RFX2: variants seen among roughly 807,000 people sequenced by gnomAD.
The protein encoded by RFX2 is DNA-binding protein RFX2.
A neutral mutation model predicts 87.8 loss-of-function variants in RFX2; 20 were observed. The observed-to-expected ratio is 0.23, with a 90% CI of 0.16 to 0.33. The LOEUF is 0.33. Among genes scored for constraint, RFX2 ranks in the 10% least tolerant of loss-of-function variants. RFX2 has a pLI of 1.00. For synonymous variants in RFX2, 397 were observed against 431.3 expected (o/e 0.92, Z 0.98); for missense variants, 767 against 1,012.3 (o/e 0.76, Z 3.29).
At chr19:6,071,171 T>TA (rs1283840501) in intron 1 of RFX2, among the ~76,000 whole-genome samples, 1 of 152,248 alleles carries the variant, frequency 6.6e-6, no homozygotes, top group Non-Finnish European at 1.5e-5. Context: ...AAGAAAGTGT[T>TA]AGAGTCACAT....
rs1213951876 is a variant in RFX2 at position 6,050,138 on chromosome 19, T to C, written c.-8-2634A>G. Reference sequence around the variant, plus strand: ...AGGGGTCTTGGGGAAAAACCAGCAGTGCAAAGATAAAAAAATTAAGTGAAG... The same window carrying C: ...AGGGGTCTTGGGGAAAAACCAGCAGCGCAAAGATAAAAAAATTAAGTGAAG... On this transcript the variant is annotated intron_variant, in intron 1 of 17. Coordinates refer to ENST00000303657, the MANE Select transcript of RFX2 (RefSeq NM_000635.4). The surrounding 1 kb of genome is among the most constrained non-coding windows in gnomAD (Gnocchi z 4.6). 2.0e-5 allele frequency among the ~76,000 whole-genome samples: 3 copies of C among 152,082 alleles called. No individual in the cohort carries two copies. The highest frequency in any genetic ancestry group is 4.4e-5 in the Non-Finnish European group (3 of 67,990).
chr19:6,071,528 T>C (rs2087606203), intron 1 of RFX2, among the ~76,000 whole-genome samples: 1 of 152,186 alleles, frequency 6.6e-6, no homozygotes, highest in Admixed American at 6.5e-5. Flanking sequence ...ATTAGAAATA[T>C]TTATTCCATC....
In RFX2 at chr19:6,040,026, C is replaced by T; in HGVS notation, c.476G>A (p.Ser159Asn). ...GAYLIHGGMD[S>N]TRHSLAHTSR... ...GGTGTGGGCCAGGGAGTGTCTGGTG[C>T]TGTCCATCCCCCCGTGGATGAGATA... Residue 159 changes from serine (S) to asparagine (N), a missense_variant, in exon 5 of 18, where the codon AGC becomes AAC. Ser to Asn is a conservative substitution (Grantham distance 46). Around this residue, in one of 2 missense-constraint regions of RFX2, gnomAD observed 621 missense variants for 873.0 expected, o/e 0.71. Transcript: ENST00000303657. The surrounding 1 kb of genome is among the most constrained non-coding windows in gnomAD (Gnocchi z 6.1). 1 of 1,606,940 alleles carries T rather than the reference C, an allele frequency of 6.2e-7. No individual in the cohort carries two copies.
Position 6,007,744 on chromosome 19 carries a change from G to A in RFX2, c.1193C>T (p.Ser398Phe). The change falls in exon 11 of 18, where the codon TCC becomes TTC. Residue 398 changes from serine (S) to phenylalanine (F), a missense_variant. Ser to Phe is a radical substitution (Grantham distance 155). This residue lies in a region of RFX2 where 621 missense variants were observed against 873.0 expected (regional missense o/e 0.71). Transcript: ENST00000303657. The surrounding 1 kb of genome is among the most constrained non-coding windows in gnomAD (Gnocchi z 8.2). ...GGAGGAGGCCTTAGAGTTCCAGAAG[G>A]AGAGCCACAGCTTCTCGATGTAGTG... ...QFHYIEKLWL[S>F]FWNSKASSSD... The A allele has an allele frequency of 6.4e-7, 1 of 1,556,638 alleles. No individual in the cohort carries two copies. Among genetic ancestry groups the A allele is most frequent in the Non-Finnish European group, 8.7e-7 (1 of 1,149,126 alleles).
chr19:6,088,211 C>CTTTTTTTTT (rs1030226963), intron 1 of RFX2, among the ~76,000 whole-genome samples: 1 of 84,390 alleles, frequency 1.2e-5, no homozygotes, highest in African/African-American at 4.8e-5. Flanking sequence ...GGCACTACAG[C>CTTTTTTTTT]TTTTTTTTTT....
intron 1 of RFX2, among the ~76,000 whole-genome samples, chr19:6,093,237 A>C (rs1239589178): frequency 6.6e-6 from 1 of 152,194 alleles, no homozygotes; most frequent in Non-Finnish European, 1.5e-5. Context: ...CAAAATGCCT[A>C]TAAATAAATA....
At chr19:6,046,631 T>G (rs1264331641) in intron 2 of RFX2, among the ~76,000 whole-genome samples, 7 of 136,436 alleles carry the variant, frequency 5.1e-5, no homozygotes, top group African/African-American at 1.8e-4. Flanking sequence ...TTTTTTTTTT[T>G]GTCACTTAGG....
chr19:6,060,846 C>T (rs1032263168), intron 1 of RFX2, among the ~76,000 whole-genome samples: 1 of 152,092 alleles, frequency 6.6e-6, no homozygotes, highest in Non-Finnish European at 1.5e-5. Flanking sequence ...GTGCCCCTCC[C>T]CTGTCACACT....
At chr19:6,031,423 C>CTTTTTTTTTTTTT (rs58834364) in intron 5 of RFX2, among the ~76,000 whole-genome samples, 3 of 90,186 alleles carry the variant, frequency 3.3e-5, no homozygotes, top group Admixed American at 1.8e-4. Context: ...TTCTCCTTCC[C>CTTTTTTTTTTTTT]TTTTTTTTTT....
At chr19:6,098,560 G>C (rs927995887) in intron 1 of RFX2, among the ~76,000 whole-genome samples, 5 of 152,104 alleles carry the variant, frequency 3.3e-5, no homozygotes, top group Non-Finnish European at 7.4e-5. Context: ...TTAACACTCA[G>C]CTCTCAAGTT....
chr19:6,025,159 G>A (rs184704395), intron 6 of RFX2, among the ~76,000 whole-genome samples: 138 of 152,292 alleles, frequency 9.1e-4, no homozygotes, highest in Non-Finnish European at 1.5e-3. Context: ...AATCAAGAGC[G>A]TTTGGGGAGA....
At chr19:6,032,694 A>C (rs2086967669) in intron 5 of RFX2, among the ~76,000 whole-genome samples, 1 of 152,190 alleles carries the variant, frequency 6.6e-6, no homozygotes, top group Non-Finnish European at 1.5e-5. Context: ...TCACATTCAC[A>C]CTTGCTTTAA....
rs1167109578 is a variant in RFX2 at position 6,022,981 on chromosome 19, T to A, written c.597+3182A>T. 6.6e-6 allele frequency: 1 copy of A among 152,258 alleles called. No homozygotes were observed. The highest frequency in any genetic ancestry group is 1.5e-5 in the Non-Finnish European group (1 of 68,082). The allele number at this position is 152,258 out of a possible 1,614,324, so 9.4% of individuals were successfully genotyped here. A position where few individuals can be genotyped will look rare whatever the true frequency, so the allele number is the denominator to read the frequency against. ...ACACGTGGCCAGCTCCGCTCAGAGA[T>A]GTCTGTGAGGGGTTCCCTAGGTGGG... On this transcript the variant is annotated intron_variant, in intron 6 of 17. Coordinates refer to ENST00000303657, the MANE Select transcript of RFX2 (RefSeq NM_000635.4). This position sits in a 1 kb window ranked among gnomAD's most constrained non-coding sequence, Gnocchi z 6.2.
In RFX2 at chr19:6,002,962, CAG is replaced by C; in HGVS notation, c.1501-94_1501-93del. The C allele has an allele frequency of 7.0e-6, 10 of 1,427,902 alleles. No individual in the cohort carries two copies. Among genetic ancestry groups the C allele is most frequent in the Non-Finnish European group, 9.4e-6 (10 of 1,060,158 alleles). 88.5% of individuals were successfully genotyped at this position (1,427,902 alleles called of 1,614,324 possible). The stretch of plus-strand genomic sequence containing the variant: ...GGGGTGTGTGGGCTCAGGGACAACA[CAG>C]GGAGGAGGGAGCAGGAAACAGCAAC... On this transcript the variant is annotated intron_variant, in intron 13 of 17. Coordinates refer to ENST00000303657, the MANE Select transcript of RFX2 (RefSeq NM_000635.4). This position sits in a 1 kb window ranked among gnomAD's most constrained non-coding sequence, Gnocchi z 6.7.
rs1030883007 is a variant in RFX2 at position 6,051,026 on chromosome 19, C to T, written c.-8-3522G>A. Reference sequence around the variant, plus strand: ...TGCTGGGGGGGAAAACCCTATCAGCCCAGAATTCTATCTCCAGCAAAACTA... The same window carrying T: ...TGCTGGGGGGGAAAACCCTATCAGCTCAGAATTCTATCTCCAGCAAAACTA... On this transcript the variant is annotated intron_variant, in intron 1 of 17. Coordinates refer to ENST00000303657, the MANE Select transcript of RFX2 (RefSeq NM_000635.4). 2.0e-5 allele frequency among the ~76,000 whole-genome samples: 3 copies of T among 152,046 alleles called. 1 individual carries two copies. The highest frequency in any genetic ancestry group is 3.4e-3 in the Middle Eastern group (1 of 292).
chr19:6,067,254 G>GA (rs1208640339), intron 1 of RFX2, among the ~76,000 whole-genome samples: 1 of 152,152 alleles, frequency 6.6e-6, no homozygotes, highest in Non-Finnish European at 1.5e-5. Flanking sequence ...AAGCTATTTG[G>GA]AAAAAAGTGT....
rs185681996 is a variant in RFX2 at position 6,000,148 on chromosome 19, C to T, written c.1859+1667G>A. On this transcript the variant is annotated intron_variant, in intron 15 of 17. Coordinates refer to ENST00000303657, the MANE Select transcript of RFX2 (RefSeq NM_000635.4). ...TTCAGGTGCCCACCACCACGCCTGA[C>T]TAATTTTTATATTTTTAGTAGAGAT... 2.0e-4 allele frequency among the ~76,000 whole-genome samples: 30 copies of T among 152,200 alleles called. No individual in the cohort carries two copies. The East Asian group carries it at 5.4e-3, about 27-fold the overall frequency.
rs2086908257 is a variant in RFX2 at position 6,027,602 on chromosome 19, G to T, written c.523-1365C>A. ...CAGAGTGCATGACCTCTGGAAGTCTGCCCTAATCTCAGGGGGCCTTGTCCA... is the reference window on the plus strand; with the variant it reads ...CAGAGTGCATGACCTCTGGAAGTCTTCCCTAATCTCAGGGGGCCTTGTCCA... On this transcript the variant is annotated intron_variant, in intron 5 of 17. Transcript: ENST00000303657. This position sits in a 1 kb window ranked among gnomAD's most constrained non-coding sequence, Gnocchi z 5.0. Among the ~76,000 whole-genome samples the T allele has an allele frequency of 6.6e-6, 1 of 152,200 alleles. No homozygotes were observed. Among genetic ancestry groups the T allele is most frequent in the African/African-American group, 2.4e-5 (1 of 41,452 alleles).
rs2086818038 is a variant in RFX2, at chr19:6,021,965, G to A, written c.597+4198C>T. On this transcript the variant is annotated intron_variant, in intron 6 of 17. Coordinates refer to ENST00000303657, the MANE Select transcript of RFX2 (RefSeq NM_000635.4). The surrounding 1 kb of genome is among the most constrained non-coding windows in gnomAD (Gnocchi z 5.7). ...GGAAGTAGTCGAAGTGGAGGAGGTGGGGGGTGCCACCTGGTTCTGGATCTT... is the reference window on the plus strand; with the variant it reads ...GGAAGTAGTCGAAGTGGAGGAGGTGAGGGGTGCCACCTGGTTCTGGATCTT... 6.6e-6 allele frequency among the ~76,000 whole-genome samples: 1 copy of A among 152,122 alleles called. No individual in the cohort carries two copies. The highest frequency in any genetic ancestry group is 2.4e-5 in the African/African-American group (1 of 41,412).
Sources: allele counts gnomAD v4.1 joint callset (sites outside exome capture counted in the v4.1 genomes callset), GRCh38; gene constraint gnomAD v4.1.1; regional missense constraint gnomAD v4.1.1; non-coding constraint Gnocchi (gnomAD v3.1); transcripts MANE v1.5; gene names NCBI Gene and HGNC (gene_info 2026-07-23, HGNC 2026-07-21).